XYLB: variants seen among roughly 807,000 people sequenced by gnomAD.
XYLB encodes xylulose kinase.
In XYLB, 62 loss-of-function variants were observed where a neutral mutation model predicts 78.7. That is an observed-to-expected ratio of 0.79 (90% CI 0.64 to 0.97). XYLB has a LOEUF of 0.97. Ranked by LOEUF, XYLB falls within the 50% of genes least tolerant of loss-of-function variation. XYLB has a pLI of 0.00. For missense variants in XYLB, 687 were observed against 676.8 expected (o/e 1.02, Z -0.17); for synonymous variants, 245 against 247.4 (o/e 0.99, Z 0.09).
intron 6 of XYLB, 36 bp downstream of exon 6, chr3:38,365,772 T>C (rs374221507): frequency 1.9e-6 from 3 of 1,588,128 alleles, no homozygotes; most frequent in Non-Finnish European, 2.6e-6. Flanking sequence ...GGGGGTGGTC[T>C]GGTTGCAAGC....
downstream of XYLB, among the ~76,000 whole-genome samples, chr3:38,426,262 T>C (rs7649153): frequency 6.6e-6 from 1 of 152,076 alleles, no homozygotes; most frequent in Non-Finnish European, 1.5e-5. Context: ...TCTCCAACAA[T>C]CTGTAATGTG....
At chr3:38,370,240 G>GCACACACTCA in intron 9 of XYLB, 66 bp downstream of exon 9, 1 of 646,400 alleles carries the variant, frequency 1.5e-6, no homozygotes, top group Non-Finnish European at 2.8e-6. Context: ...GCACTGTAGC[G>GCACACACTCA]CACACACACA....
At chr3:38,365,424 G>A in intron 5 of XYLB, 139 bp downstream of exon 5, 3 of 1,364,540 alleles carry the variant, frequency 2.2e-6, no homozygotes, top group African/African-American at 1.4e-5. Flanking sequence ...CAGGCTTTTG[G>A]GGAGAGACCC....
chr3:38,352,326 T>G (rs1705410629), intron 2 of XYLB, among the ~76,000 whole-genome samples: 1 of 152,138 alleles, frequency 6.6e-6, no homozygotes, highest in Admixed American at 6.5e-5. Context: ...AAATGGTACA[T>G]CTACACAATG....
At chr3:38,380,650 A>T (rs1488329180) in intron 15 of XYLB, among the ~76,000 whole-genome samples, 1 of 152,226 alleles carries the variant, frequency 6.6e-6, no homozygotes, top group Non-Finnish European at 1.5e-5. Context: ...CTAAAGCTGA[A>T]TATACGCCTA....
At chr3:38,379,683 C>T (rs1707053451) in intron 15 of XYLB, among the ~76,000 whole-genome samples, 1 of 152,170 alleles carries the variant, frequency 6.6e-6, no homozygotes, top group Admixed American at 6.6e-5. Flanking sequence ...AAGACATAGG[C>T]AGTGCAAGGT....
intron 15 of XYLB, among the ~76,000 whole-genome samples, chr3:38,384,597 CGAAT>C (rs1327629497): frequency 4.6e-5 from 7 of 152,146 alleles, no homozygotes; most frequent in African/African-American, 9.7e-5. Flanking sequence ...AAATACATAA[CGAAT>C]GGATGTCTTT....
chr3:38,433,663 C>T, the XYLB span, among the ~76,000 whole-genome samples: 2 of 152,198 alleles, frequency 1.3e-5, no homozygotes, highest in African/African-American at 4.8e-5. Context: ...ATTCCAATTC[C>T]CAAAAAGTTC....
rs1407448710 is a variant in XYLB at position 38,414,293 on chromosome 3, A to T, written c.*1280A>T. The T allele has an allele frequency of 2.0e-5, 3 of 152,232 alleles. No homozygotes were observed. The highest frequency in any genetic ancestry group is 4.1e-4 in the South Asian group (2 of 4,830). The allele number at this position is 152,232 out of a possible 1,614,324, so 9.4% of individuals were successfully genotyped here. On this transcript the variant is annotated 3_prime_UTR_variant, in exon 19 of 19. Coordinates refer to ENST00000207870, the MANE Select transcript of XYLB (RefSeq NM_005108.4). ...ACCAAAGGCATCACTTCTGATGGAGATGAAGCCATCTTGAAAGTGAGTGGT... is the reference window on the plus strand; with the variant it reads ...ACCAAAGGCATCACTTCTGATGGAGTTGAAGCCATCTTGAAAGTGAGTGGT...
chr3:38,368,864 G>A (rs1197133080), intron 8 of XYLB, among the ~76,000 whole-genome samples: 3 of 152,210 alleles, frequency 2.0e-5, no homozygotes, highest in Admixed American at 6.5e-5. Context: ...GGACGATCAT[G>A]GAGCCTGGCT....
chr3:38,436,126 C>T, the XYLB span, among the ~76,000 whole-genome samples: 15 of 151,918 alleles, frequency 9.9e-5, no homozygotes, highest in Non-Finnish European at 1.6e-4. Context: ...AAAGGATAAA[C>T]AAAACAAAAA....
chr3:38,397,286 C>G (rs940687081), intron 17 of XYLB, 127 bp downstream of exon 17: 1 of 828,788 alleles, frequency 1.2e-6, no homozygotes, highest in Non-Finnish European at 2.0e-6. Context: ...GGGACTTCAG[C>G]TTCATTTTTC....
At chr3:38,426,068 T>C (rs1709093937), downstream of XYLB, among the ~76,000 whole-genome samples, 1 of 152,230 alleles carries the variant, frequency 6.6e-6, no homozygotes, top group Non-Finnish European at 1.5e-5. Flanking sequence ...CAGTGTTTCA[T>C]TGCTACTTTA....
At position 38,381,953 on chromosome 3, in the gene XYLB, C is replaced by T. The variant is rs561843082; in HGVS notation, c.1291+2611C>T. ...TGTCACCCACACCTATTCGCACACT[C>T]CCTCCCCTTTTGAAAATCCCTAATA... On this transcript the variant is annotated intron_variant, in intron 15 of 18. Transcript: ENST00000207870. Among the ~76,000 whole-genome samples the T allele has an allele frequency of 6.6e-5, 10 of 152,314 alleles. 1 individual carries two copies. The South Asian group carries it at 1.2e-3, about 19-fold the overall frequency.
At chr3:38,442,614 T>C in the XYLB span, among the ~76,000 whole-genome samples, 1 of 152,044 alleles carries the variant, frequency 6.6e-6, no homozygotes, top group Admixed American at 6.6e-5. Flanking sequence ...TACAACTGGA[T>C]ATAGAGGAAT....
In XYLB at chr3:38,383,977, G is replaced by A. The variant is rs910884133; in HGVS notation, c.1291+4635G>A. On this transcript the variant is annotated intron_variant, in intron 15 of 18. Transcript: ENST00000207870. ...AAGTTTGTCAGAAGTCATCTTTGTG[G>A]TGCTGCGTATGATGGCCAGGTTACT... 4.1e-4 allele frequency among the ~76,000 whole-genome samples: 62 copies of A among 152,174 alleles called. 1 individual carries two copies. The highest frequency in any genetic ancestry group is 4.1e-3 in the Admixed American group (62 of 15,270).
downstream of XYLB, among the ~76,000 whole-genome samples, chr3:38,419,603 T>TATATATATATAA (rs71085322): frequency 2.6e-3 from 207 of 80,836 alleles, 25 homozygotes; most frequent in East Asian, 4.5e-3. Context: ...TATATATATA[T>TATATATATATAA]AATAGCCATC....
chr3:38,418,545 G>A (rs949320712), downstream of XYLB, among the ~76,000 whole-genome samples: 1 of 152,052 alleles, frequency 6.6e-6, no homozygotes, highest in Non-Finnish European at 1.5e-5. Flanking sequence ...GAAGTACTTG[G>A]GAAAAGGCAC....
chr3:38,423,023 G>A (rs1272365673), downstream of XYLB, among the ~76,000 whole-genome samples: 1 of 152,122 alleles, frequency 6.6e-6, no homozygotes, highest in Non-Finnish European at 1.5e-5. Flanking sequence ...TTAGAAAAAG[G>A]ACATATAGCT....
Sources: gnomAD v4.1 joint callset for allele counts (sites outside exome capture counted in the v4.1 genomes callset) on GRCh38, gnomAD v4.1.1 for gene constraint, MANE v1.5 for transcripts, NCBI Gene and HGNC (gene_info 2026-07-23, HGNC 2026-07-21) for gene names.